Variants in PRDX1 observed in about 807,000 individuals in gnomAD.
PRDX1 encodes the protein peroxiredoxin-1.
Under a neutral mutation model 20.7 loss-of-function variants are expected in PRDX1, and 19 were observed. That is an observed-to-expected ratio of 0.92 (90% CI 0.64 to 1.35). The LOEUF (loss-of-function observed/expected upper bound fraction) is 1.35, where lower values mean the gene tolerates loss of function less well. Among genes scored for constraint, PRDX1 ranks in the 40% most tolerant of loss-of-function variants. PRDX1 has a pLI of 0.00. For missense variants in PRDX1, 226 were observed against 240.0 expected (o/e 0.94, Z 0.38); for synonymous variants, 89 against 83.9 (o/e 1.06, Z -0.33).
chr1:45,515,179 T>C (rs964408634), intron 3 of PRDX1, among the ~76,000 whole-genome samples, 184 bp from the exon 4 acceptor site: 7 of 152,288 alleles, frequency 4.6e-5, no homozygotes, highest in Admixed American at 1.3e-4. Flanking sequence ...TCAACTGCAA[T>C]TGAAGCTGCT....
chr1:45,519,977 C>T (rs142772478), intron 1 of PRDX1, among the ~76,000 whole-genome samples: 12 of 152,240 alleles, frequency 7.9e-5, no homozygotes, highest in East Asian at 3.9e-4. Flanking sequence ...GAGGCTCAGG[C>T]GGGCGGATCA....
chr1:45,519,226 C>G (rs1643887544), intron 1 of PRDX1, among the ~76,000 whole-genome samples, 172 bp from the exon 2 acceptor site: 1 of 152,250 alleles, frequency 6.6e-6, no homozygotes, highest in African/African-American at 2.4e-5. Context: ...GGGTCACAGT[C>G]TGAGCTTTCC....
chr1:45,516,166 G>A (rs1643859755), intron 2 of PRDX1, among the ~76,000 whole-genome samples: 1 of 152,252 alleles, frequency 6.6e-6, no homozygotes, highest in East Asian at 1.9e-4. Context: ...TAATGCCAAT[G>A]CTTAACAATA....
Position 45,511,332 on chromosome 1 carries a change from C to T in PRDX1, c.597G>A (p.Lys199=). 6.2e-7 allele frequency: 1 copy of T among 1,611,810 alleles called. No individual in the cohort carries two copies. The part of the protein sequence containing the change: ...QKSKEYFSKQ[K] ...TGGCACTAAAACAGCCCAGCGCTCA[C>T]TTCTGCTTGGAGAAATATTCTTTGC... Residue 199 remains lysine (K), a synonymous_variant, in exon 6 of 6, where the codon AAG becomes AAA. Coordinates refer to ENST00000319248, the MANE Select transcript of PRDX1 (RefSeq NM_181697.3).
intron 1 of PRDX1, 62 bp from the exon 2 acceptor site, chr1:45,519,116 A>T: frequency 8.4e-7 from 1 of 1,188,122 alleles, no homozygotes; most frequent in Non-Finnish European, 1.2e-6. Flanking sequence ...AGCAGCCTTC[A>T]CCTACTTAAA....
At chr1:45,514,083 T>G (rs1011561803) in intron 5 of PRDX1, among the ~76,000 whole-genome samples, 1 of 152,212 alleles carries the variant, frequency 6.6e-6, no homozygotes, top group African/African-American at 2.4e-5. Context: ...GAAAACCGCC[T>G]CAGGGGTGGA....
At chr1:45,521,993 C>T (rs1238998776), upstream of PRDX1, 2 of 152,382 alleles carry the variant, frequency 1.3e-5, no homozygotes, top group African/African-American at 4.8e-5. Context: ...TGGCCCGAGC[C>T]CCGCCCGGCG....
chr1:45,518,767 T>C (rs940128853), intron 2 of PRDX1, among the ~76,000 whole-genome samples, 171 bp downstream of exon 2: 6 of 152,250 alleles, frequency 3.9e-5, no homozygotes, highest in African/African-American at 1.4e-4. Flanking sequence ...CTAGGATATA[T>C]ACCCTGTAAT....
intron 2 of PRDX1, among the ~76,000 whole-genome samples, chr1:45,517,985 T>C (rs1326497588): frequency 6.6e-6 from 1 of 152,134 alleles, no homozygotes; most frequent in South Asian, 2.1e-4. Flanking sequence ...TCTGAGACTT[T>C]AAATGTAGAA....
chr1:45,516,508 G>GGAGACAGAGA (rs1643863544), intron 2 of PRDX1, among the ~76,000 whole-genome samples: 1 of 151,586 alleles, frequency 6.6e-6, no homozygotes, highest in African/African-American at 2.4e-5. Flanking sequence ...AGAGAAAGAG[G>GGAGACAGAGA]GAGACAGAGA....
upstream of PRDX1, among the ~76,000 whole-genome samples, chr1:45,522,114 C>T (rs979673679): frequency 6.6e-6 from 1 of 152,160 alleles, no homozygotes; most frequent in Non-Finnish European, 1.5e-5. Flanking sequence ...CCCTTGTGGC[C>T]GCTCCCGAAC....
intron 5 of PRDX1, chr1:45,511,693 ACT>A: frequency 6.9e-6 from 2 of 289,650 alleles, no homozygotes; most frequent in East Asian, 6.2e-5. Context: ...ATTTGCCAAC[ACT>A]CTCTAATCCT....
chr1:45,514,669 A>C, intron 4 of PRDX1, 32 bp from the exon 5 acceptor site: 1 of 1,611,420 alleles, frequency 6.2e-7, no homozygotes, highest in Non-Finnish European at 8.5e-7. Context: ...AAAGCAATAC[A>C]GGTTTAGAGA....
intron 5 of PRDX1, chr1:45,511,698 C>A: frequency 3.6e-6 from 1 of 274,764 alleles, no homozygotes; most frequent in Non-Finnish European, 6.8e-6. Flanking sequence ...CCAACACTCT[C>A]TAATCCTTAA....
At chr1:45,514,302 A>C (rs1643817308) in intron 5 of PRDX1, among the ~76,000 whole-genome samples, 1 of 152,144 alleles carries the variant, frequency 6.6e-6, no homozygotes, top group South Asian at 2.1e-4. Context: ...ATCAATAAAT[A>C]CTAAGGGAAC....
intron 5 of PRDX1, among the ~76,000 whole-genome samples, chr1:45,514,294 C>G (rs1643817116): frequency 6.6e-6 from 1 of 152,118 alleles, no homozygotes; most frequent in Non-Finnish European, 1.5e-5. Context: ...CAAGAATGAT[C>G]AATAAATACT....
intron 5 of PRDX1, chr1:45,512,393 G>C (rs1643770702): frequency 6.6e-6 from 1 of 151,256 alleles, no homozygotes; most frequent in African/African-American, 2.4e-5. Context: ...AAATAGTGGG[G>C]CGTGGTGGTG....
chr1:45,514,802 A>G, intron 4 of PRDX1, 71 bp downstream of exon 4: 1 of 1,597,636 alleles, frequency 6.3e-7, no homozygotes, highest in African/African-American at 1.3e-5. Flanking sequence ...AGGAGTCTCT[A>G]CAGATCAGGG....
At chr1:45,516,373 C>CTGT (rs1643862596) in intron 2 of PRDX1, among the ~76,000 whole-genome samples, 2 of 152,148 alleles carry the variant, frequency 1.3e-5, no homozygotes, top group African/African-American at 4.8e-5. Context: ...TCTGTAGTCC[C>CTGT]AGCTACTTGG....
Sources: gnomAD v4.1 joint callset for allele counts (sites outside exome capture counted in the v4.1 genomes callset) on GRCh38, gnomAD v4.1.1 for gene constraint, MANE v1.5 for transcripts, NCBI Gene and HGNC (gene_info 2026-07-23, HGNC 2026-07-21) for gene names.